SLC25A27: variants seen among roughly 807,000 people sequenced by gnomAD.
SLC25A27 encodes solute carrier family 25 member 27, also known as mitochondrial uncoupling protein 4.
SLC25A27 carries 35 observed loss-of-function variants against 49.1 expected under a neutral mutation model. The observed-to-expected ratio is 0.71, with a 90% confidence interval of 0.54 to 0.95. The LOEUF is 0.95. Among genes scored for constraint, SLC25A27 ranks in the 40% least tolerant of loss-of-function variants. The pLI, the probability that SLC25A27 is intolerant of heterozygous loss-of-function variation, is 0.00. For synonymous variants in SLC25A27, 144 were observed against 136.9 expected (o/e 1.05, Z -0.36); for missense variants, 339 against 397.1 (o/e 0.85, Z 1.24).
At chr6:46,661,831 T>C (rs1460130971) in intron 3 of SLC25A27, among the ~76,000 whole-genome samples, 3 of 152,232 alleles carry the variant, frequency 2.0e-5, no homozygotes, top group Admixed American at 2.0e-4. Flanking sequence ...AATTCGTTAT[T>C]ATCTCTGGCA....
Position 46,676,574 on chromosome 6 carries a change from G to T in SLC25A27, c.*120G>T. The T allele has an allele frequency of 6.3e-7, 1 of 1,581,834 alleles. No individual in the cohort carries two copies. Among genetic ancestry groups the T allele is most frequent in the Non-Finnish European group, 8.6e-7 (1 of 1,162,332 alleles). On this transcript the variant is annotated 3_prime_UTR_variant, in exon 9 of 9. Coordinates refer to ENST00000371347, the MANE Select transcript of SLC25A27 (RefSeq NM_004277.5). ...GGAAGACACCTATTCCACAGAGACT[G>T]ATTTATAGGGGGCAGCACTTTATTT...
chr6:46,662,598 T>C (rs888127499), intron 4 of SLC25A27, 100 bp downstream of exon 4: 2 of 1,280,822 alleles, frequency 1.6e-6, no homozygotes, highest in Non-Finnish European at 2.2e-6. Flanking sequence ...GCAGTAAAGA[T>C]ATTACTTCTG....
At chr6:46,673,555 T>G (rs568360800) in intron 8 of SLC25A27, among the ~76,000 whole-genome samples, 1 of 152,312 alleles carries the variant, frequency 6.6e-6, no homozygotes, top group South Asian at 2.1e-4. Flanking sequence ...CTTTGAGGCA[T>G]CAATAGGCGT....
chr6:46,662,912 A>T (rs1248180529), intron 4 of SLC25A27, among the ~76,000 whole-genome samples: 1 of 152,222 alleles, frequency 6.6e-6, no homozygotes, highest in Non-Finnish European at 1.5e-5. Context: ...ATGATGGTTA[A>T]CATGCCTGAC....
chr6:46,662,932 G>C (rs1763208331), intron 4 of SLC25A27, among the ~76,000 whole-genome samples: 2 of 152,146 alleles, frequency 1.3e-5, no homozygotes, highest in Admixed American at 1.3e-4. Flanking sequence ...CTGCTCATTA[G>C]TGTGAAAAAC....
chr6:46,673,643 C>T (rs1763642919), intron 8 of SLC25A27, among the ~76,000 whole-genome samples: 1 of 152,120 alleles, frequency 6.6e-6, no homozygotes, highest in Admixed American at 6.6e-5. Context: ...TGAAGAACTA[C>T]AGAAAATTCA....
At chr6:46,661,073 C>T (rs561820577) in intron 3 of SLC25A27, among the ~76,000 whole-genome samples, 48 of 152,040 alleles carry the variant, frequency 3.2e-4, no homozygotes, top group South Asian at 2.7e-3. Context: ...ACAGTCCTGC[C>T]GTCATTCAGC....
intron 7 of SLC25A27, chr6:46,670,437 GAC>G (rs1220906981): frequency 4.1e-6 from 2 of 488,936 alleles, no homozygotes; most frequent in Non-Finnish European, 7.1e-6. Flanking sequence ...ATATTATTTA[GAC>G]ACAAGATTTT....
rs941586705 is a variant in SLC25A27, at chr6:46,677,104, G to C, written c.*650G>C. 13 of 192,556 alleles carry C rather than the reference G, an allele frequency of 6.8e-5. No homozygotes were observed. Among genetic ancestry groups the C allele is most frequent in the African/African-American group, 3.1e-4 (13 of 42,342 alleles). The allele number at this position is 192,556 out of a possible 1,614,324, so 11.9% of individuals were successfully genotyped here. ...CAAGAAAAGAGGCTGCTTTCTGTCA[G>C]TGCCCTCTCATTAGATCTGTGTTAA... On this transcript the variant is annotated 3_prime_UTR_variant, in exon 9 of 9. Coordinates refer to ENST00000371347, the MANE Select transcript of SLC25A27 (RefSeq NM_004277.5).
chr6:46,675,249 G>T (rs1043543345), intron 8 of SLC25A27, among the ~76,000 whole-genome samples: 1 of 152,090 alleles, frequency 6.6e-6, no homozygotes, highest in African/African-American at 2.4e-5. Context: ...TTGCTATAAT[G>T]TCATTAACAT....
chr6:46,654,705 TC>T (rs1762913467), intron 1 of SLC25A27, among the ~76,000 whole-genome samples: 1 of 152,140 alleles, frequency 6.6e-6, no homozygotes, highest in African/African-American at 2.4e-5. Flanking sequence ...TATGGAGAAA[TC>T]TATTAAGATT....
At chr6:46,669,108 G>A (rs1292960310) in intron 6 of SLC25A27, among the ~76,000 whole-genome samples, 2 of 152,156 alleles carry the variant, frequency 1.3e-5, no homozygotes, top group Non-Finnish European at 2.9e-5. Flanking sequence ...TATGTTAAAG[G>A]CACTGGGCAG....
intron 1 of SLC25A27, 126 bp downstream of exon 1, chr6:46,653,424 C>G (rs1762838174): frequency 1.4e-6 from 2 of 1,433,764 alleles, no homozygotes; most frequent in Non-Finnish European, 1.8e-6. Flanking sequence ...GCCCGCCTGG[C>G]AGAGGTGGCG....
At chr6:46,654,612 A>G (rs1181098670) in intron 1 of SLC25A27, among the ~76,000 whole-genome samples, 1 of 152,230 alleles carries the variant, frequency 6.6e-6, no homozygotes, top group Non-Finnish European at 1.5e-5. Context: ...GGTTTTAAGT[A>G]CAAACCACTT....
rs903996758 is a variant in SLC25A27, at chr6:46,663,881, C to T, written c.507-893C>T. Among the ~76,000 whole-genome samples, 3 of 152,138 alleles carry T rather than the reference C, an allele frequency of 2.0e-5. No individual in the cohort carries two copies. The South Asian group carries it at 6.2e-4, about 32-fold the overall frequency. On this transcript the variant is annotated intron_variant, in intron 4 of 8. Transcript: ENST00000371347. ...GGTTTCTTCGAATGTAAATTAGAAT[C>T]ATATTATATACCTCACAGAATTTTC...
At position 46,662,495 on chromosome 6, in the gene SLC25A27, T is replaced by G; in HGVS notation, c.503T>G (p.Leu168Trp). 2 of 1,613,770 alleles carry G rather than the reference T, an allele frequency of 1.2e-6. No individual in the cohort carries two copies. Among genetic ancestry groups the G allele is most frequent in the South Asian group, 2.2e-5 (2 of 90,976 alleles). Reference sequence around the variant, plus strand: ...AAAAGGAAACTGGAAGGAAAACCATTGCGGTAAGTTCTCCAATTAACCAAT... The same window carrying G: ...AAAAGGAAACTGGAAGGAAAACCATGGCGGTAAGTTCTCCAATTAACCAAT... ...EGKRKLEGKP[L>W]RFRGVHHAFA... is the part of the protein sequence containing the mutation. The change falls in exon 4 of 9, where the codon TTG becomes TGG. Residue 168 changes from leucine (L) to tryptophan (W), a missense_variant. Leu to Trp is a moderately conservative substitution (Grantham distance 61). Transcript: ENST00000371347.
intron 2 of SLC25A27, chr6:46,658,590 C>T (rs1202736859): frequency 1.8e-5 from 7 of 393,582 alleles, no homozygotes; most frequent in East Asian, 7.8e-5. Flanking sequence ...TGGAGAAGCT[C>T]ATGGTCTGAT....
intron 7 of SLC25A27, chr6:46,670,585 C>T (rs1276030311): frequency 1.4e-5 from 3 of 211,400 alleles, no homozygotes; most frequent in African/African-American, 2.4e-5. Flanking sequence ...GTATGTTCTC[C>T]CTGGAAGAGA....
intron 1 of SLC25A27, among the ~76,000 whole-genome samples, chr6:46,655,531 G>GTTTTTTTT (rs1283936753): frequency 8.1e-5 from 8 of 98,546 alleles, no homozygotes; most frequent in African/African-American, 1.1e-4. Flanking sequence ...TATTGTTAAT[G>GTTTTTTTT]TTTGTTTTTT....
Sources: allele counts gnomAD v4.1 joint callset (sites outside exome capture counted in the v4.1 genomes callset), GRCh38; gene constraint gnomAD v4.1.1; transcripts MANE v1.5; gene names NCBI Gene and HGNC (gene_info 2026-07-23, HGNC 2026-07-21).